Variants in MYLK observed in about 807,000 individuals in gnomAD.
The protein encoded by MYLK is myosin light chain kinase, also known as myosin light chain kinase, smooth muscle.
A neutral mutation model predicts 203.4 loss-of-function variants in MYLK; 106 were observed. The ratio of observed to expected loss-of-function variants is 0.52; its 90% CI spans 0.45 to 0.61. The LOEUF (loss-of-function observed/expected upper bound fraction) is 0.61. Among genes scored for constraint, MYLK ranks in the 20% least tolerant of loss-of-function variants. The probability of loss-of-function intolerance (pLI) is 0.00; values close to 1 mark genes in which losing one functional copy is unlikely to be tolerated. For missense variants in MYLK, 2,072 were observed against 2,442.3 expected (o/e 0.85, Z 3.20); for synonymous variants, 867 against 959.5 (o/e 0.90, Z 1.78).
intron 20 of MYLK, among the ~76,000 whole-genome samples, chr3:123,676,040 C>G (rs1473254807): frequency 6.6e-6 from 1 of 152,252 alleles, no homozygotes; most frequent in Non-Finnish European, 1.5e-5. Context: ...TCCCAAACCC[C>G]CAGGACACAG....
chr3:123,733,878 C>A lies in MYLK; in HGVS notation c.1118G>T (p.Arg373Met). The stretch of plus-strand genomic sequence containing the variant: ...GGTGGCTGGACGGGGAGGAGCTGGC[C>A]TCTTCCTCTCTTCTCCAGAAGGTGA... Reference protein sequence around the residue: ...VLSPSGEERKRPAPPRPATFP... With the variant: ...VLSPSGEERKMPAPPRPATFP... Residue 373 changes from arginine to methionine, a missense_variant, in exon 10 of 34, where the codon AGG becomes ATG. This residue lies in a region of MYLK where 683 missense variants were observed against 643.8 expected (regional missense o/e 1.06). Coordinates refer to ENST00000360304, the MANE Select transcript of MYLK (RefSeq NM_053025.4). 1.2e-6 allele frequency: 2 copies of A among 1,614,204 alleles called. No homozygotes were observed. Among genetic ancestry groups the A allele is most frequent in the Non-Finnish European group, 1.7e-6 (2 of 1,180,034 alleles).
At chr3:123,670,153 A>G (rs2059870079) in intron 20 of MYLK, among the ~76,000 whole-genome samples, 1 of 152,190 alleles carries the variant, frequency 6.6e-6, no homozygotes. Context: ...GTGAGTCTCA[A>G]ATTATTTCAA....
intron 19 of MYLK, among the ~76,000 whole-genome samples, chr3:123,689,911 G>A (rs991466837): frequency 6.6e-6 from 1 of 152,192 alleles, no homozygotes; most frequent in African/African-American, 2.4e-5. Flanking sequence ...GTGTTATAAA[G>A]GTTACATCCC....
chr3:123,750,500 CCCTGTATT>C (rs1184372026), intron 5 of MYLK, among the ~76,000 whole-genome samples: 1 of 152,142 alleles, frequency 6.6e-6, no homozygotes. Context: ...TATATGCCTC[CCCTGTATT>C]CCTAACAGAC....
At chr3:123,878,631 T>A (rs2033308496) in intron 1 of MYLK, among the ~76,000 whole-genome samples, 1 of 152,180 alleles carries the variant, frequency 6.6e-6, no homozygotes. Flanking sequence ...TCCTATGCCA[T>A]CACCATCCTC....
At chr3:123,786,375 A>G (rs1193445625) in intron 4 of MYLK, among the ~76,000 whole-genome samples, 4 of 150,762 alleles carry the variant, frequency 2.7e-5, no homozygotes, top group East Asian at 3.9e-4. Flanking sequence ...CGTTCAGAGA[A>G]GGGAACAATT....
intron 4 of MYLK, among the ~76,000 whole-genome samples, chr3:123,780,498 G>A (rs1445115415): frequency 6.6e-6 from 1 of 152,142 alleles, no homozygotes; most frequent in Non-Finnish European, 1.5e-5. Flanking sequence ...GAACAGGAAG[G>A]GGCATCACAG....
chr3:123,692,613 T>C, intron 19 of MYLK, 122 bp downstream of exon 19: 1 of 886,132 alleles, frequency 1.1e-6, no homozygotes, highest in South Asian at 1.3e-5. Flanking sequence ...ATGAATGCCT[T>C]TGGGTAGGGA....
At chr3:123,737,716 C>G (rs1373935202) in intron 7 of MYLK, among the ~76,000 whole-genome samples, 173 bp from the exon 8 acceptor site, 2 of 152,182 alleles carry the variant, frequency 1.3e-5, no homozygotes, top group African/African-American at 4.8e-5. Context: ...TTCAGGGGCC[C>G]TGACTTGAGG....
At chr3:123,639,704 C>G (rs2058765683) in intron 28 of MYLK, among the ~76,000 whole-genome samples, 2 of 152,208 alleles carry the variant, frequency 1.3e-5, no homozygotes, top group South Asian at 4.1e-4. Context: ...TGAGCAAGGT[C>G]TGGGGTCCTT....
At chr3:123,695,836 TA>T (rs1039901573) in intron 18 of MYLK, among the ~76,000 whole-genome samples, 1 of 152,066 alleles carries the variant, frequency 6.6e-6, no homozygotes, top group African/African-American at 2.4e-5. Flanking sequence ...AGCATAAAGA[TA>T]AAGCTCTTCT....
intron 19 of MYLK, among the ~76,000 whole-genome samples, chr3:123,685,992 C>T (rs908183547): frequency 1.1e-4 from 16 of 152,186 alleles, no homozygotes; most frequent in African/African-American, 1.4e-4. Context: ...GCATGCACCA[C>T]GGGGCCCTGC....
intron 2 of MYLK, among the ~76,000 whole-genome samples, chr3:123,845,102 A>G (rs2066682756): frequency 6.6e-6 from 1 of 152,172 alleles, no homozygotes; most frequent in Non-Finnish European, 1.5e-5. Flanking sequence ...AGCAAAGATA[A>G]TTCTAGGAAG....
chr3:123,782,420 G>A (rs1478925593), intron 4 of MYLK, among the ~76,000 whole-genome samples: 1 of 152,164 alleles, frequency 6.6e-6, no homozygotes, highest in Non-Finnish European at 1.5e-5. Context: ...CCAGAGTCTG[G>A]AGCACAGAGG....
chr3:123,639,839 A>C (rs1376475197), intron 28 of MYLK, among the ~76,000 whole-genome samples: 1 of 152,192 alleles, frequency 6.6e-6, no homozygotes, highest in Non-Finnish European at 1.5e-5. Context: ...CATGGTGAGA[A>C]TCATAGGGTT....
intron 4 of MYLK, among the ~76,000 whole-genome samples, chr3:123,788,046 C>T (rs766154899): frequency 2.6e-5 from 4 of 152,104 alleles, no homozygotes; most frequent in Non-Finnish European, 4.4e-5. Flanking sequence ...GAATTTCATG[C>T]AAGGGGAACC....
intron 2 of MYLK, among the ~76,000 whole-genome samples, chr3:123,845,539 G>A (rs2029875575): frequency 6.6e-6 from 1 of 152,142 alleles, no homozygotes; most frequent in African/African-American, 2.4e-5. Flanking sequence ...TGCTCAGGTT[G>A]GAGTGCAGTG....
intron 18 of MYLK, chr3:123,693,600 G>A (rs965014005): frequency 6.5e-6 from 1 of 152,912 alleles, no homozygotes; most frequent in African/African-American, 2.4e-5. Flanking sequence ...ACTCTCCCCT[G>A]GGCCTGCCTT....
chr3:123,701,604 A>G (rs558572880), intron 16 of MYLK, 95 bp from the exon 17 acceptor site: 2 of 1,312,334 alleles, frequency 1.5e-6, no homozygotes, highest in East Asian at 4.6e-5. Context: ...GCCAGCGGGG[A>G]AGATGGAAGT....
Sources: allele counts gnomAD v4.1 joint callset (sites outside exome capture counted in the v4.1 genomes callset), GRCh38; gene constraint gnomAD v4.1.1; regional missense constraint gnomAD v4.1.1; transcripts MANE v1.5; gene names NCBI Gene and HGNC (gene_info 2026-07-23, HGNC 2026-07-21).